ORC2: variants seen among roughly 807,000 people sequenced by gnomAD.
The protein encoded by ORC2 is origin recognition complex subunit 2.
In ORC2, 37 loss-of-function variants were observed where a neutral mutation model predicts 77.7. That is an observed-to-expected ratio of 0.48 (90% CI 0.37 to 0.63). ORC2 has a LOEUF of 0.63. Among genes scored for constraint, ORC2 ranks in the 20% least tolerant of loss-of-function variants. The pLI is 0.00. For missense variants in ORC2, 557 were observed against 661.9 expected, an observed-to-expected ratio of 0.84 and a Z score of 1.74; for synonymous variants, 201 against 229.5, an observed-to-expected ratio of 0.88 and a Z score of 1.12.
intron 9 of ORC2, 33 bp from the exon 10 acceptor site, chr2:200,934,007 G>T: frequency 1.9e-6 from 2 of 1,063,126 alleles, no homozygotes; most frequent in Non-Finnish European, 2.8e-6. Flanking sequence ...GTCCTTAGTA[G>T]CTTCAAATAT....
chr2:200,949,435 A>G (rs1293779335), intron 5 of ORC2, 119 bp downstream of exon 5: 13 of 639,492 alleles, frequency 2.0e-5, no homozygotes. Flanking sequence ...TCCCTAAACC[A>G]TAGGGAATCT....
chr2:200,954,224 C>T (rs1443100209), intron 4 of ORC2, among the ~76,000 whole-genome samples: 5 of 151,796 alleles, frequency 3.3e-5, no homozygotes, highest in Admixed American at 3.3e-4. Flanking sequence ...AGTAGAGACA[C>T]GGTTTCGCCA....
rs572005723 is a variant in ORC2 at position 200,930,506 on chromosome 2, C to CT, written c.917+832dup. Among the ~76,000 whole-genome samples the CT allele has an allele frequency of 2.6e-3, 353 of 136,282 alleles. 1 individual carries two copies. The highest frequency in any genetic ancestry group is 4.7e-3 in the East Asian group (22 of 4,652). The allele number at this position is 136,282 out of a possible 152,430, so 89.4% of individuals were successfully genotyped here. A position where few individuals can be genotyped will look rare whatever the true frequency, so the allele number is the denominator to read the frequency against. ...GTTAATCATTCCCTTCCTAGCATAA[C>CT]TTTTTTTTTTTTTTTTTTTTAAGAC... On this transcript the variant is annotated intron_variant, in intron 11 of 17. Transcript: ENST00000234296.
At position 200,909,211 on chromosome 2, in the gene ORC2, C is replaced by G. The variant is rs909758682; in HGVS notation, c.*2090G>C. 1 of 152,088 alleles carries G rather than the reference C, an allele frequency of 6.6e-6. No homozygotes were observed. Among genetic ancestry groups the G allele is most frequent in the Non-Finnish European group, 1.5e-5 (1 of 68,010 alleles). The allele number at this position is 152,088 out of a possible 1,614,324, so 9.4% of individuals were successfully genotyped here. Reference sequence around the variant, plus strand: ...AATTGTGTTTTTAAAAGGAGAAAGACAGATACTTTTACATATGCATAGACG... The same window carrying G: ...AATTGTGTTTTTAAAAGGAGAAAGAGAGATACTTTTACATATGCATAGACG... On this transcript the variant is annotated 3_prime_UTR_variant, in exon 18 of 18. Transcript: ENST00000234296.
Position 200,913,455 on chromosome 2 carries a change from G to A in ORC2, c.1529-42C>T, listed in dbSNP as rs1227651412. ...GATATGAACATAAGTCAGCACTTAA[G>A]ACATGACCCAATATACAAACACCCA... is the stretch of plus-strand genomic sequence containing the variant. On this transcript the variant is annotated intron_variant, in intron 16 of 17. Transcript: ENST00000234296. 4.5e-6 allele frequency: 7 copies of A among 1,538,888 alleles called. No individual in the cohort carries two copies. In the Admixed American group the frequency reaches 1.1e-4, roughly 25 times the overall value.
intron 4 of ORC2, among the ~76,000 whole-genome samples, chr2:200,955,674 C>G (rs1229086860): frequency 6.6e-6 from 1 of 152,142 alleles, no homozygotes; most frequent in African/African-American, 2.4e-5. Flanking sequence ...AGAACAGATG[C>G]ACAGAGATGA....
intron 4 of ORC2, among the ~76,000 whole-genome samples, chr2:200,953,370 G>T (rs1216542609): frequency 6.7e-6 from 1 of 148,578 alleles, no homozygotes; most frequent in Non-Finnish European, 1.5e-5. Context: ...AAATTTAAAA[G>T]AAAATAAAAC....
chr2:200,911,129 C>A lies in ORC2; in HGVS notation c.*172G>T. 1.7e-6 allele frequency: 1 copy of A among 579,082 alleles called. No individual in the cohort carries two copies. The highest frequency in any genetic ancestry group is 2.0e-5 in the South Asian group (1 of 48,970). The allele number at this position is 579,082 out of a possible 1,614,324, so 35.9% of individuals were successfully genotyped here. A position where few individuals can be genotyped will look rare whatever the true frequency, so the allele number is the denominator to read the frequency against. On this transcript the variant is annotated 3_prime_UTR_variant, in exon 18 of 18. Transcript: ENST00000234296. ...GACCGCTGCATAGTACTAGACGGTA[C>A]CAGCCAGGCTGATCAAAAAGTTCTA... is the stretch of plus-strand genomic sequence containing the variant.
In ORC2 at chr2:200,920,522, C is replaced by G. The variant is rs2040738026; in HGVS notation, c.1295-129G>C. 5 of 591,336 alleles carry G rather than the reference C, an allele frequency of 8.5e-6. No homozygotes were observed. The South Asian group carries it at 2.6e-4, about 30-fold the overall frequency. 36.6% of individuals were successfully genotyped at this position (591,336 alleles called of 1,614,324 possible). A position where few individuals can be genotyped will look rare whatever the true frequency, so the allele number is the denominator to read the frequency against. On this transcript the variant is annotated intron_variant, in intron 14 of 17. Transcript: ENST00000234296. ...ATCCCCAAGTTTTTCATTTTTGCCA[C>G]TTCCATATCTAAATCAGTAACTCAC...
chr2:200,912,001 T>A (rs1192072005), intron 17 of ORC2, among the ~76,000 whole-genome samples: 1 of 152,238 alleles, frequency 6.6e-6, no homozygotes, highest in Non-Finnish European at 1.5e-5. Context: ...CTCAGCAGCA[T>A]CTGACACTGC....
intron 17 of ORC2, 85 bp downstream of exon 17, chr2:200,913,210 C>G: frequency 1.1e-6 from 1 of 946,526 alleles, no homozygotes; most frequent in South Asian, 1.6e-5. Context: ...GTTTCAAAAT[C>G]AGGTCTAAGT....
intron 10 of ORC2, among the ~76,000 whole-genome samples, chr2:200,932,962 A>C (rs2040969133): frequency 6.6e-6 from 1 of 152,172 alleles, no homozygotes; most frequent in South Asian, 2.1e-4. Flanking sequence ...CGCCCAATGA[A>C]AGGCTTTCGT....
At chr2:200,920,945 T>C (rs1472146649) in intron 14 of ORC2, 48 bp downstream of exon 14, 4 of 1,345,164 alleles carry the variant, frequency 3.0e-6, no homozygotes, top group Admixed American at 5.0e-5. Flanking sequence ...AGAATTTGTC[T>C]TGTAAGACTG....
intron 15 of ORC2, among the ~76,000 whole-genome samples, chr2:200,915,003 CTTTTTTTTTTT>C (rs1158807101): frequency 1.4e-4 from 9 of 65,280 alleles, no homozygotes; most frequent in South Asian, 4.9e-4. Context: ...CTTCCCACGT[CTTTTTTTTTTT>C]TTTTTTTTTT....
rs972545170 is a variant in ORC2 at position 200,911,143 on chromosome 2, C to G, written c.*158G>C. ...ACTAGACGGTACCAGCCAGGCTGAT[C>G]AAAAAGTTCTAATTGAGGACATCCC... On this transcript the variant is annotated 3_prime_UTR_variant, in exon 18 of 18. Transcript: ENST00000234296. 1.7e-6 allele frequency: 1 copy of G among 594,778 alleles called. No individual in the cohort carries two copies. The allele number at this position is 594,778 out of a possible 1,614,324, so 36.8% of individuals were successfully genotyped here.
intron 4 of ORC2, among the ~76,000 whole-genome samples, chr2:200,951,725 C>A (rs970133332): frequency 3.3e-5 from 5 of 152,056 alleles, no homozygotes; most frequent in African/African-American, 1.2e-4. Context: ...TACCTATTTG[C>A]CTATTTTTTA....
In ORC2 at chr2:200,928,158, C is replaced by G. The variant is rs183475112; in HGVS notation, c.918-1258G>C. 5.7e-3 allele frequency among the ~76,000 whole-genome samples: 871 copies of G among 151,564 alleles called. 45 individuals carry two copies. The highest frequency in any genetic ancestry group is 0.053 in the Admixed American group (809 of 15,214). ...ATCACATGAGGCCAGGAATTCGAGACCAGCCTGGCCAACATGGTGAAATCC... is the reference window on the plus strand; with the variant it reads ...ATCACATGAGGCCAGGAATTCGAGAGCAGCCTGGCCAACATGGTGAAATCC... On this transcript the variant is annotated intron_variant, in intron 11 of 17. Coordinates refer to ENST00000234296, the MANE Select transcript of ORC2 (RefSeq NM_006190.5).
chr2:200,954,593 G>A (rs568977637), intron 4 of ORC2, among the ~76,000 whole-genome samples: 1 of 152,236 alleles, frequency 6.6e-6, no homozygotes, highest in East Asian at 1.9e-4. Flanking sequence ...TCTAAAGCAG[G>A]CATTCTTGAC....
In ORC2 at chr2:200,942,397, T is replaced by C. The variant is rs1213227530; in HGVS notation, c.421+288A>G. Among the ~76,000 whole-genome samples the C allele has an allele frequency of 2.0e-5, 3 of 152,340 alleles. No homozygotes were observed. In the East Asian group the frequency reaches 5.8e-4, roughly 29 times the overall value. On this transcript the variant is annotated intron_variant, in intron 6 of 17. Coordinates refer to ENST00000234296, the MANE Select transcript of ORC2 (RefSeq NM_006190.5). ...GTATTTCCCAAAGCCAAATCTTCTA[T>C]AAATAATTGGCTAACTCAAGCACAT...
Sources: gnomAD v4.1 joint callset for allele counts (sites outside exome capture counted in the v4.1 genomes callset) on GRCh38, gnomAD v4.1.1 for gene constraint, MANE v1.5 for transcripts, NCBI Gene and HGNC (gene_info 2026-07-23, HGNC 2026-07-21) for gene names.